MGLL: variants seen among roughly 807,000 people sequenced by gnomAD.
MGLL encodes lysophospholipase homolog.
MGLL carries 7 observed loss-of-function variants against 29.1 expected under a neutral mutation model. That is an observed-to-expected ratio of 0.24 (90% CI 0.14 to 0.45). The LOEUF (loss-of-function observed/expected upper bound fraction) is 0.45. Among genes scored for constraint, MGLL ranks in the 20% least tolerant of loss-of-function variants. MGLL has a pLI of 0.99. For missense variants in MGLL, 356 were observed against 413.6 expected (o/e 0.86, Z 1.21); for synonymous variants, 148 against 168.3 (o/e 0.88, Z 0.93).
chr3:127,816,586 G>T (rs763108717), intron 2 of MGLL, among the ~76,000 whole-genome samples: 4 of 152,142 alleles, frequency 2.6e-5, no homozygotes, highest in African/African-American at 7.2e-5. Flanking sequence ...GACGCAAGAA[G>T]GGGGGATGTT....
chr3:127,784,483 G>T (rs1206382685), intron 2 of MGLL, among the ~76,000 whole-genome samples: 1 of 152,144 alleles, frequency 6.6e-6, no homozygotes, highest in Non-Finnish European at 1.5e-5. Flanking sequence ...AATCTCCCTG[G>T]GGGGTATGCT....
intron 3 of MGLL, among the ~76,000 whole-genome samples, chr3:127,730,379 G>T (rs1406170918): frequency 6.6e-6 from 1 of 152,100 alleles, no homozygotes; most frequent in Admixed American, 6.5e-5. Context: ...GCTTCTACTT[G>T]TTCCTCTGCC....
intron 2 of MGLL, among the ~76,000 whole-genome samples, chr3:127,802,729 C>G (rs539285252): frequency 6.6e-4 from 100 of 152,292 alleles, no homozygotes; most frequent in Admixed American, 6.5e-4. Context: ...GGGGCCCTGG[C>G]CGGTTTTGAA....
intron 2 of MGLL, among the ~76,000 whole-genome samples, chr3:127,809,167 G>C (rs1310104571): frequency 1.3e-5 from 2 of 152,184 alleles, no homozygotes; most frequent in East Asian, 3.8e-4. Flanking sequence ...AATTGGGGCA[G>C]AGAGAGAGAT....
intron 3 of MGLL, among the ~76,000 whole-genome samples, chr3:127,725,598 G>A (rs1333911113): frequency 5.9e-5 from 9 of 152,086 alleles, no homozygotes; most frequent in African/African-American, 1.7e-4. Context: ...ATCTTCCAAC[G>A]TTTGAAATAG....
At chr3:127,815,094 G>A (rs1259279967) in intron 2 of MGLL, among the ~76,000 whole-genome samples, 1 of 152,136 alleles carries the variant, frequency 6.6e-6, no homozygotes, top group Non-Finnish European at 1.5e-5. Context: ...GGTGTAAGCT[G>A]ATTCCTTCCT....
intron 3 of MGLL, among the ~76,000 whole-genome samples, chr3:127,741,413 A>G (rs2076338060): frequency 6.6e-6 from 1 of 152,228 alleles, no homozygotes; most frequent in Admixed American, 6.5e-5. Context: ...CCCAGGGGGC[A>G]TGGCCCTCTC....
At position 127,807,750 on chromosome 3, in the gene MGLL, C is replaced by CTTTTTTTTT. The variant is rs35444871; in HGVS notation, c.155+13935_155+13943dup. Among the ~76,000 whole-genome samples, 4 of 59,472 alleles carry CTTTTTTTTT rather than the reference C, an allele frequency of 6.7e-5. 1 individual carries two copies. Among genetic ancestry groups the CTTTTTTTTT allele is most frequent in the African/African-American group, 2.8e-4 (4 of 14,326 alleles). The allele number at this position is 59,472 out of a possible 152,430, so 39.0% of individuals were successfully genotyped here. On this transcript the variant is annotated intron_variant, in intron 2 of 7. Transcript: ENST00000265052. ...CTAATTTAGACATGCTGTGAAAAGT[C>CTTTTTTTTT]TTTTTTTTTTTTTTTTTTTTTTTTT...
At chr3:127,730,560 T>C (rs1254486946) in intron 3 of MGLL, among the ~76,000 whole-genome samples, 1 of 152,110 alleles carries the variant, frequency 6.6e-6, no homozygotes, top group Non-Finnish European at 1.5e-5. Context: ...ATTCCCTAAA[T>C]GCAGGTGCAG....
chr3:127,798,912 G>A (rs1291795089), intron 2 of MGLL, among the ~76,000 whole-genome samples: 1 of 152,166 alleles, frequency 6.6e-6, no homozygotes, highest in East Asian at 1.9e-4. Flanking sequence ...CAGCCAAGCT[G>A]GAGAGCACCC....
At chr3:127,816,916 G>A (rs1362176381) in intron 2 of MGLL, among the ~76,000 whole-genome samples, 5 of 152,228 alleles carry the variant, frequency 3.3e-5, no homozygotes, top group African/African-American at 9.6e-5. Flanking sequence ...AATCTCCCTT[G>A]CTAGTCCATC....
At chr3:127,706,952 G>A (rs1276086682) in intron 6 of MGLL, among the ~76,000 whole-genome samples, 1 of 152,172 alleles carries the variant, frequency 6.6e-6, no homozygotes, top group Non-Finnish European at 1.5e-5. Flanking sequence ...CAGCATGGGT[G>A]CAGGACAGGC....
intron 5 of MGLL, chr3:127,715,387 A>G (rs2075794370): frequency 3.2e-6 from 1 of 312,746 alleles, no homozygotes; most frequent in African/African-American, 2.2e-5. Flanking sequence ...TTCTAACAAG[A>G]CTCAATTGTG....
At chr3:127,704,037 C>A (rs2075550146) in intron 6 of MGLL, among the ~76,000 whole-genome samples, 1 of 152,136 alleles carries the variant, frequency 6.6e-6, no homozygotes, top group African/African-American at 2.4e-5. Flanking sequence ...AGACATATAA[C>A]CAATGGAACA....
chr3:127,794,728 G>A, intron 2 of MGLL, among the ~76,000 whole-genome samples: 1 of 152,166 alleles, frequency 6.6e-6, no homozygotes, highest in Admixed American at 6.5e-5. Flanking sequence ...TATGATGTAA[G>A]ACTCTCTTCT....
rs1442109084 is a variant in MGLL at position 127,689,267 on chromosome 3, G to C, written c.*2931C>G. 4 of 152,250 alleles carry C rather than the reference G, an allele frequency of 2.6e-5. No individual in the cohort carries two copies. Among genetic ancestry groups the C allele is most frequent in the South Asian group, 2.1e-4 (1 of 4,832 alleles). 9.4% of individuals were successfully genotyped at this position (152,250 alleles called of 1,614,324 possible). A position where few individuals can be genotyped will look rare whatever the true frequency, so the allele number is the denominator to read the frequency against. On this transcript the variant is annotated 3_prime_UTR_variant, in exon 8 of 8. Coordinates refer to ENST00000265052, the MANE Select transcript of MGLL (RefSeq NM_007283.7). ...GTTAGCAATTGGTGAAAGAAGAAGA[G>C]AGTGAGATGGGACCCAGGTGGGCCT...
rs1426323018 is a variant in MGLL, at chr3:127,775,501, A to AC, written c.262+6287dup. Among the ~76,000 whole-genome samples the AC allele has an allele frequency of 5.5e-3, 833 of 151,166 alleles. 8 individuals carry two copies. Among genetic ancestry groups the AC allele is most frequent in the African/African-American group, 0.019 (766 of 41,178 alleles). On this transcript the variant is annotated intron_variant, in intron 3 of 7. Transcript: ENST00000265052. ...AATACTCTTCTTCTGACTGGATAGG[A>AC]CCCACCCGCCAAGGAGAACCACGCG...
intron 2 of MGLL, among the ~76,000 whole-genome samples, chr3:127,812,526 C>T (rs1559986474): frequency 6.6e-6 from 1 of 152,182 alleles, no homozygotes; most frequent in East Asian, 1.9e-4. Context: ...GTGGTGAGGG[C>T]AGCAGTCAGG....
At chr3:127,798,823 G>A (rs1576304410) in intron 2 of MGLL, among the ~76,000 whole-genome samples, 2 of 152,256 alleles carry the variant, frequency 1.3e-5, no homozygotes, top group East Asian at 3.9e-4. Flanking sequence ...AGGAGGCTGG[G>A]CTCCACAGCC....
Sources: gnomAD v4.1 joint callset for allele counts (sites outside exome capture counted in the v4.1 genomes callset) on GRCh38, gnomAD v4.1.1 for gene constraint, MANE v1.5 for transcripts, NCBI Gene and HGNC (gene_info 2026-07-23, HGNC 2026-07-21) for gene names.